Variants in EPRS1 observed in about 807,000 individuals in gnomAD.
EPRS1 encodes glutamyl-prolyl-tRNA synthetase 1.
In EPRS1, 107 loss-of-function variants were observed where a neutral mutation model predicts 188.3. That is an observed-to-expected ratio of 0.57 (90% CI 0.49 to 0.67). The LOEUF is 0.67. Among genes scored for constraint, EPRS1 ranks in the 30% least tolerant of loss-of-function variants. The pLI, the probability that EPRS1 is intolerant of heterozygous loss-of-function variation, is 0.00. For synonymous variants in EPRS1, 596 were observed against 593.1 expected (o/e 1.00, Z -0.07); for missense variants, 1,577 against 1,802.2 (o/e 0.88, Z 2.26).
chr1:219,973,450 T>C, intron 28 of EPRS1, 52 bp from the exon 29 acceptor site: 4 of 1,273,360 alleles, frequency 3.1e-6, no homozygotes, highest in Admixed American at 2.1e-5. Flanking sequence ...TCCAGTTGAA[T>C]ATACAGATGT....
At chr1:220,042,381 G>A (rs1662313617) in intron 1 of EPRS1, among the ~76,000 whole-genome samples, 1 of 151,366 alleles carries the variant, frequency 6.6e-6, no homozygotes, top group African/African-American at 2.4e-5. Context: ...TACTTGGGAG[G>A]CTGAGGCAGG....
At chr1:220,033,372 C>T (rs1308911902) in intron 4 of EPRS1, 130 bp downstream of exon 4, 1 of 574,760 alleles carries the variant, frequency 1.7e-6, no homozygotes, top group Non-Finnish European at 2.9e-6. Flanking sequence ...GTAATAAAGT[C>T]CTAAGTTACT....
intron 11 of EPRS1, 66 bp downstream of exon 11, chr1:220,018,929 A>T: frequency 1.0e-6 from 1 of 1,004,654 alleles, no homozygotes; most frequent in Non-Finnish European, 1.6e-6. Context: ...AATAAAGAGT[A>T]AAGGGACAGT....
At chr1:220,030,182 T>C (rs1399941592) in intron 6 of EPRS1, among the ~76,000 whole-genome samples, 1 of 152,224 alleles carries the variant, frequency 6.6e-6, no homozygotes, top group African/African-American at 2.4e-5. Context: ...TTTTACTAAG[T>C]TGACAAACTA....
intron 6 of EPRS1, among the ~76,000 whole-genome samples, chr1:220,028,248 C>T (rs1440551590): frequency 6.6e-6 from 1 of 152,042 alleles, no homozygotes; most frequent in Non-Finnish European, 1.5e-5. Flanking sequence ...CAATTAGTAC[C>T]TATTATTTTA....
intron 1 of EPRS1, among the ~76,000 whole-genome samples, chr1:220,043,589 T>C (rs1007615681): frequency 1.3e-5 from 2 of 152,120 alleles, no homozygotes; most frequent in Non-Finnish European, 2.9e-5. Context: ...CATCTGCCCA[T>C]TAAAATTAAG....
chr1:219,994,948 G>T (rs1040303722), intron 18 of EPRS1, among the ~76,000 whole-genome samples: 2 of 151,984 alleles, frequency 1.3e-5, no homozygotes, highest in Admixed American at 1.3e-4. Flanking sequence ...CACCGCACCT[G>T]GCCTACTTAA....
chr1:219,990,991 T>C (rs1318755670), intron 18 of EPRS1, among the ~76,000 whole-genome samples: 2 of 152,108 alleles, frequency 1.3e-5, no homozygotes, highest in African/African-American at 4.8e-5. Flanking sequence ...TGATGTGGAT[T>C]AATGAGAAAA....
At chr1:219,980,377 A>C in intron 25 of EPRS1, 137 bp from the exon 26 acceptor site, 1 of 634,368 alleles carries the variant, frequency 1.6e-6, no homozygotes, top group Non-Finnish European at 2.7e-6. Context: ...TGAAAAGGTT[A>C]AAGCAGCCAG....
At chr1:220,031,431 A>C (rs1047491288) in intron 5 of EPRS1, among the ~76,000 whole-genome samples, 19 of 152,228 alleles carry the variant, frequency 1.2e-4, no homozygotes, top group African/African-American at 4.1e-4. Flanking sequence ...ATTAGGCCTC[A>C]ACAAAGTGCA....
In EPRS1 at chr1:219,987,604, T is replaced by A. The variant is rs1253036365; in HGVS notation, c.2776-200A>T. Among the ~76,000 whole-genome samples, 4 of 150,290 alleles carry A rather than the reference T, an allele frequency of 2.7e-5. No individual in the cohort carries two copies. The East Asian group carries it at 5.9e-4, about 22-fold the overall frequency. On this transcript the variant is annotated intron_variant, in intron 19 of 31. Coordinates refer to ENST00000366923, the MANE Select transcript of EPRS1 (RefSeq NM_004446.3). ...AAACCCAACCATCACACTTAGGAAC[T>A]ACAAAAGGATCTGTCCAAAGTTTAA...
chr1:219,974,556 C>T (rs1553318283), intron 28 of EPRS1, among the ~76,000 whole-genome samples: 1 of 152,064 alleles, frequency 6.6e-6, no homozygotes. Context: ...GAGTTACATG[C>T]TTCCATATAC....
chr1:219,999,804 T>C (rs2102575918), intron 17 of EPRS1, among the ~76,000 whole-genome samples: 1 of 152,134 alleles, frequency 6.6e-6, no homozygotes, highest in Non-Finnish European at 1.5e-5. Flanking sequence ...CGAAACCCCA[T>C]CTCTACTAAA....
chr1:219,990,443 C>G (rs956252669), intron 18 of EPRS1, among the ~76,000 whole-genome samples: 2 of 152,162 alleles, frequency 1.3e-5, no homozygotes, highest in Non-Finnish European at 2.9e-5. Context: ...TATATTTAGT[C>G]TGTGCCAGAC....
intron 28 of EPRS1, among the ~76,000 whole-genome samples, chr1:219,974,709 T>C (rs1354968133): frequency 1.3e-5 from 2 of 152,222 alleles, no homozygotes; most frequent in South Asian, 2.1e-4. Context: ...AACTGTTGTA[T>C]GCTAAATATT....
chr1:219,998,466 A>G (rs1414336873), intron 17 of EPRS1, among the ~76,000 whole-genome samples: 1 of 152,158 alleles, frequency 6.6e-6, no homozygotes, highest in Non-Finnish European at 1.5e-5. Context: ...ACTAATATGC[A>G]TATATAAATG....
chr1:220,018,100 A>G (rs1044915161), intron 12 of EPRS1: 1 of 1,287,212 alleles, frequency 7.8e-7, no homozygotes, highest in Non-Finnish European at 1.0e-6. Context: ...GCTATGTTTA[A>G]GGCAAATAAA....
chr1:220,033,451 C>A, intron 4 of EPRS1, 51 bp downstream of exon 4: 2 of 1,352,102 alleles, frequency 1.5e-6, no homozygotes, highest in South Asian at 1.3e-5. Context: ...AATTTTTATC[C>A]AGCAAAATAT....
At chr1:220,028,816 C>CT (rs1662033925) in intron 6 of EPRS1, among the ~76,000 whole-genome samples, 1 of 151,258 alleles carries the variant, frequency 6.6e-6, no homozygotes, top group African/African-American at 2.4e-5. Flanking sequence ...TCATTTAAGA[C>CT]ACAGAAAAGA....
Sources: gnomAD v4.1 joint callset for allele counts (sites outside exome capture counted in the v4.1 genomes callset) on GRCh38, gnomAD v4.1.1 for gene constraint, MANE v1.5 for transcripts, NCBI Gene and HGNC (gene_info 2026-07-23, HGNC 2026-07-21) for gene names.